The following CROCC variants were observed in gnomAD, a reference collection of about 807,000 sequenced individuals.
CROCC encodes the protein ciliary rootlet coiled-coil, rootletin.
CROCC carries 180 observed loss-of-function variants against 245.2 expected under a neutral mutation model. The observed-to-expected ratio is 0.73, with a 90% CI of 0.65 to 0.83. CROCC has a LOEUF of 0.83. Ranked by LOEUF, CROCC falls within the 40% of genes least tolerant of loss-of-function variation. CROCC has a pLI of 0.00. For synonymous variants in CROCC, 1,205 were observed against 1,241.6 expected, an observed-to-expected ratio of 0.97 and a Z score of 0.62; for missense variants, 2,688 against 2,779.4, an observed-to-expected ratio of 0.97 and a Z score of 0.74.
At chr1:16,915,051 G>A (rs543777132) in intron 1 of CROCC, among the ~76,000 whole-genome samples, 1 of 152,326 alleles carries the variant, frequency 6.6e-6, no homozygotes, top group South Asian at 2.1e-4. Flanking sequence ...CTCCCCACCC[G>A]CGCACATTTC....
intron 3 of CROCC, among the ~76,000 whole-genome samples, chr1:16,927,063 C>G (rs1169567625): frequency 6.6e-6 from 1 of 152,260 alleles, no homozygotes; most frequent in African/African-American, 2.4e-5. Flanking sequence ...CTGCTTCACA[C>G]AGATATGCAG....
At chr1:16,920,698 G>A (rs1337958822), upstream of CROCC, among the ~76,000 whole-genome samples, 3 of 151,914 alleles carry the variant, frequency 2.0e-5, no homozygotes, top group African/African-American at 7.3e-5. Context: ...GGGAGGTGGT[G>A]GGTGACCTCT....
At chr1:16,948,306 T>C (rs540550138) in intron 17 of CROCC, 25 bp from the exon 18 acceptor site, 3 of 1,537,230 alleles carry the variant, frequency 2.0e-6, no homozygotes, top group East Asian at 2.3e-5. Flanking sequence ...CTGGGAGTGC[T>C]ACTCAGTCTC....
In CROCC at chr1:16,938,090, C is replaced by T. The variant is rs1488722677; in HGVS notation, c.1291-310C>T. Among the ~76,000 whole-genome samples, 3 of 152,398 alleles carry T rather than the reference C, an allele frequency of 2.0e-5. No individual in the cohort carries two copies. In the East Asian group the frequency reaches 5.8e-4, roughly 29 times the overall value. ...CTGGCAACCTAGCTGCCCCCCACCC[C>T]CACCAGTGGGACACTCACTCCCCCA... On this transcript the variant is annotated intron_variant, in intron 10 of 36. Transcript: ENST00000375541.
chr1:16,937,347 C>T lies in CROCC; in HGVS notation c.1194-294C>T, dbSNP rs570822094. On this transcript the variant is annotated intron_variant, in intron 9 of 36. Transcript: ENST00000375541. ...CGGCCTGGATGACAGAGCGAAACTC[C>T]GTCTCAAAAAAAAAAAAACAAAAAA... Among the ~76,000 whole-genome samples, 157 of 147,624 alleles carry T rather than the reference C, an allele frequency of 1.1e-3. 3 individuals are homozygous for T. The South Asian group carries it at 0.032, about 31-fold the overall frequency.
At chr1:16,917,977 C>T (rs1412061988), upstream of CROCC, among the ~76,000 whole-genome samples, 11 of 84,144 alleles carry the variant, frequency 1.3e-4, no homozygotes, top group African/African-American at 4.0e-4. Flanking sequence ...ACCACATGGC[C>T]GTATCTGACT....
At chr1:16,969,762 C>T in intron 32 of CROCC, 23 bp from the exon 33 acceptor site, 2 of 1,603,686 alleles carry the variant, frequency 1.2e-6, no homozygotes, top group Non-Finnish European at 1.7e-6. Flanking sequence ...GCCAGCCAGG[C>T]ACCATCAGCC....
chr1:16,932,563 T>C (rs1458609886), intron 8 of CROCC, among the ~76,000 whole-genome samples: 7 of 152,234 alleles, frequency 4.6e-5, no homozygotes, highest in African/African-American at 1.4e-4. Context: ...AAAACCACTT[T>C]GTGGAGATGG....
chr1:16,956,260 G>A (rs2076249633), intron 25 of CROCC, 104 bp downstream of exon 25: 1 of 1,247,286 alleles, frequency 8.0e-7, no homozygotes, highest in Non-Finnish European at 1.1e-6. Context: ...AAAACCAGGG[G>A]CTTGAACTAT....
chr1:16,921,844 C>T, upstream of CROCC: 1 of 636,056 alleles, frequency 1.6e-6, no homozygotes, highest in Admixed American at 3.0e-5. Flanking sequence ...CCATCCCCTC[C>T]CTCCTCAGCC....
At position 16,924,489 on chromosome 1, in the gene CROCC, G is replaced by A. The variant is rs775888933; in HGVS notation, c.351+10G>A. ...TGCGGTCAGCGAGAGGGTGGGTGCCGCCCAGGTGGTGGACTAGGCCAGGGT... is the reference window on the plus strand; with the variant it reads ...TGCGGTCAGCGAGAGGGTGGGTGCCACCCAGGTGGTGGACTAGGCCAGGGT... On this transcript the variant is annotated intron_variant, in intron 3 of 36. Transcript: ENST00000375541. 103 of 1,608,688 alleles carry A rather than the reference G, an allele frequency of 6.4e-5. No individual in the cohort carries two copies. Among genetic ancestry groups the A allele is most frequent in the South Asian group, 5.5e-4 (50 of 90,690 alleles).
Position 16,931,415 on chromosome 1 carries a change from AC to A in CROCC, c.956+19del, listed in dbSNP as rs760951829. On this transcript the variant is annotated intron_variant, in intron 8 of 36. Coordinates refer to ENST00000375541, the MANE Select transcript of CROCC (RefSeq NM_014675.5). ...ACTGAGAGGTGAGGCCTGGCCGGGG[AC>A]GGGGCAGCAGCTGAGAGCCAGCCCT... 2.9e-5 allele frequency: 46 copies of A among 1,600,118 alleles called. No homozygotes were observed. The Admixed American group carries it at 5.4e-4, about 19-fold the overall frequency.
Position 16,966,563 on chromosome 1 carries a change from G to A in CROCC, c.4852G>A (p.Ala1618Thr), listed in dbSNP as rs1318964698. The A allele has an allele frequency of 1.3e-6, 2 of 1,482,944 alleles. No homozygotes were observed. The highest frequency in any genetic ancestry group is 2.6e-5 in the South Asian group (2 of 77,972). The allele number at this position is 1,482,944 out of a possible 1,614,324, so 91.9% of individuals were successfully genotyped here. A position where few individuals can be genotyped will look rare whatever the true frequency, so the allele number is the denominator to read the frequency against. The change falls in exon 30 of 37, where the codon GCC becomes ACC. Residue 1618 changes from alanine (A) to threonine (T), a missense_variant. By Grantham distance (58) the Ala-to-Thr change is moderately conservative. This residue lies in a region of CROCC where 1,218 missense variants were observed against 1,286.3 expected (regional missense o/e 0.95). Transcript: ENST00000375541. The surrounding 1 kb of genome is among the most constrained non-coding windows in gnomAD (Gnocchi z 4.8). ...GCAGGCCACCGAGAGCGAGCTCCGGGCCAGCCAGGTGGGCAGGAGCTGAGG... is the reference window on the plus strand; with the variant it reads ...GCAGGCCACCGAGAGCGAGCTCCGGACCAGCCAGGTGGGCAGGAGCTGAGG... The part of the protein sequence containing the change: ...SLQATESELR[A>T]SQEKISKMKA...
intron 25 of CROCC, among the ~76,000 whole-genome samples, chr1:16,957,111 A>T (rs1401040640): frequency 6.6e-6 from 1 of 152,166 alleles, no homozygotes; most frequent in Admixed American, 6.5e-5. Flanking sequence ...GTCTCTACTA[A>T]AAATACGAAA....
chr1:16,934,892 C>CTTTT (rs556637657), intron 8 of CROCC, among the ~76,000 whole-genome samples: 56 of 128,478 alleles, frequency 4.4e-4, no homozygotes, highest in Non-Finnish European at 4.7e-4. Context: ...TCAGCAGTTT[C>CTTTT]TTTTTTTTTT....
At chr1:16,943,957 C>T (rs1209765691) in intron 13 of CROCC, 143 bp from the exon 14 acceptor site, 4 of 799,272 alleles carry the variant, frequency 5.0e-6, no homozygotes, top group Non-Finnish European at 7.8e-6. Context: ...CAGCCATGGA[C>T]AGGGTGGTCA....
chr1:16,969,224 C>T lies in CROCC; in HGVS notation c.5185C>T (p.Arg1729Trp), dbSNP rs763067795. The T allele has an allele frequency of 8.1e-6, 13 of 1,612,844 alleles. No individual in the cohort carries two copies. The highest frequency in any genetic ancestry group is 1.0e-5 in the Non-Finnish European group (12 of 1,179,614). Reference sequence around the variant, plus strand: ...CGAGGGGGCCCTGCGGGACAAGGTGCGGGGCCTGACAGAGGCCCTGGCCCA... The same window carrying T: ...CGAGGGGGCCCTGCGGGACAAGGTGTGGGGCCTGACAGAGGCCCTGGCCCA... ...ESEGALRDKV[R>W]GLTEALAQSS... is the part of the protein sequence containing the mutation. Residue 1729 changes from arginine to tryptophan, a missense_variant, in exon 32 of 37, where the codon CGG (arginine) becomes TGG (tryptophan). Arg to Trp is a moderately radical substitution (Grantham distance 101, BLOSUM62 -3). This residue lies in a region of CROCC where 1,218 missense variants were observed against 1,286.3 expected (regional missense o/e 0.95). Coordinates refer to ENST00000375541, the MANE Select transcript of CROCC (RefSeq NM_014675.5).
chr1:16,956,522 T>C (rs992379470), intron 25 of CROCC, among the ~76,000 whole-genome samples: 3 of 152,168 alleles, frequency 2.0e-5, no homozygotes, highest in African/African-American at 7.2e-5. Flanking sequence ...TATTTCCAGC[T>C]TTACGGGCCA....
At chr1:16,918,812 C>T (rs1427208803), upstream of CROCC, among the ~76,000 whole-genome samples, 1 of 151,156 alleles carries the variant, frequency 6.6e-6, no homozygotes, top group African/African-American at 2.4e-5. Context: ...TCTCAGCTCA[C>T]TGCAACCTCT....
Sources: allele counts gnomAD v4.1 joint callset (sites outside exome capture counted in the v4.1 genomes callset), GRCh38; gene constraint gnomAD v4.1.1; regional missense constraint gnomAD v4.1.1; non-coding constraint Gnocchi (gnomAD v3.1); transcripts MANE v1.5; gene names NCBI Gene and HGNC (gene_info 2026-07-23, HGNC 2026-07-21).